Variants in SLCO1B3 observed in about 807,000 individuals in gnomAD.
The protein encoded by SLCO1B3 is solute carrier organic anion transporter family member 1B3, also known as liver-specific organic anion transporter 2.
Under a neutral mutation model 71.8 loss-of-function variants are expected in SLCO1B3, and 72 were observed. That is an observed-to-expected ratio of 1.00 (90% CI 0.83 to 1.22). The LOEUF (loss-of-function observed/expected upper bound fraction) is 1.22. SLCO1B3 is among the 50% of genes most tolerant of loss of function. SLCO1B3 has a pLI of 0.00. For synonymous variants in SLCO1B3, 298 were observed against 278.4 expected, an observed-to-expected ratio of 1.07 and a Z score of -0.70; for missense variants, 911 against 819.7, an observed-to-expected ratio of 1.11 and a Z score of -1.36.
intron 13 of SLCO1B3, among the ~76,000 whole-genome samples, chr12:20,897,379 G>A (rs1405664990): frequency 2.0e-5 from 3 of 152,178 alleles, no homozygotes; most frequent in Admixed American, 6.5e-5. Context: ...GCAAATATGT[G>A]TACATGAAAC....
intron 3 of SLCO1B3, among the ~76,000 whole-genome samples, chr12:20,841,995 A>G (rs1864814550): frequency 6.6e-6 from 1 of 151,404 alleles, no homozygotes; most frequent in South Asian, 2.1e-4. Flanking sequence ...AGTGAGGTTC[A>G]AGTGATTTTC....
intron 3 of SLCO1B3, among the ~76,000 whole-genome samples, chr12:20,828,644 CAT>C (rs1469959198): frequency 1.3e-5 from 2 of 149,898 alleles, no homozygotes; most frequent in African/African-American, 5.0e-5. Context: ...CACACACACA[CAT>C]ACACACACAC....
chr12:20,811,161 C>T (rs1864104498), intron 1 of SLCO1B3, among the ~76,000 whole-genome samples: 1 of 152,072 alleles, frequency 6.6e-6, no homozygotes, highest in Non-Finnish European at 1.5e-5. Context: ...TTTGATTTCA[C>T]TTTAACTGGA....
At chr12:20,868,721 T>C (rs10841681) in intron 8 of SLCO1B3, among the ~76,000 whole-genome samples, 109,580 of 151,502 alleles carry the variant, frequency 0.72, 42,214 homozygotes, top group South Asian at 0.9. Flanking sequence ...GCACAGAGAC[T>C]GGTAGTGGCC....
chr12:20,869,548 G>C (rs191690459), intron 8 of SLCO1B3, among the ~76,000 whole-genome samples: 2 of 152,002 alleles, frequency 1.3e-5, no homozygotes, highest in African/African-American at 4.8e-5. Context: ...TTGGTCTCTT[G>C]CCTCGGCACC....
Position 20,833,220 on chromosome 12 carries a change from CTTTGT to C in SLCO1B3, c.84+17402_84+17406del, listed in dbSNP as rs200017217. On this transcript the variant is annotated intron_variant, in intron 3 of 15. Transcript: ENST00000381545. Reference sequence around the variant, plus strand: ...TCACTAGGCCAGGTCAAGTCAATCTCTTTGTTTTAAGTCATCTGTTTAGCAACCTT... The same window carrying C: ...TCACTAGGCCAGGTCAAGTCAATCTCTTTAAGTCATCTGTTTAGCAACCTT... Among the ~76,000 whole-genome samples, 911 of 152,166 alleles carry C rather than the reference CTTTGT, an allele frequency of 6.0e-3. 9 individuals are homozygous for C. Among genetic ancestry groups the C allele is most frequent in the African/African-American group, 0.021 (867 of 41,518 alleles).
chr12:20,907,500 C>A (rs1173518510), intron 15 of SLCO1B3, among the ~76,000 whole-genome samples: 1 of 132,436 alleles, frequency 7.6e-6, no homozygotes, highest in Non-Finnish European at 1.6e-5. Flanking sequence ...CTCCTCCCTT[C>A]CCTTCCCTTC....
At chr12:20,863,712 T>A (rs1218483992) in intron 8 of SLCO1B3, among the ~76,000 whole-genome samples, 1 of 152,126 alleles carries the variant, frequency 6.6e-6, no homozygotes, top group African/African-American at 2.4e-5. Context: ...CAAACAACTT[T>A]CCAATTGATT....
chr12:20,848,043 TTAA>T (rs1370227815), intron 3 of SLCO1B3, among the ~76,000 whole-genome samples: 15 of 152,018 alleles, frequency 9.9e-5, no homozygotes, highest in African/African-American at 3.6e-4. Flanking sequence ...TCCCATAGGA[TTAA>T]TAACTAATTT....
At chr12:20,881,652 C>G (rs920670360) in intron 12 of SLCO1B3, among the ~76,000 whole-genome samples, 1 of 151,826 alleles carries the variant, frequency 6.6e-6, no homozygotes, top group African/African-American at 2.4e-5. Context: ...ATTGGAAATT[C>G]CATTTCTTTC....
At chr12:20,831,809 T>C (rs1373270693) in intron 3 of SLCO1B3, among the ~76,000 whole-genome samples, 1 of 152,156 alleles carries the variant, frequency 6.6e-6, no homozygotes, top group East Asian at 1.9e-4. Flanking sequence ...TTCAGCAACA[T>C]AAAAAGAGAT....
chr12:20,831,862 T>TA (rs1716668844), intron 3 of SLCO1B3, among the ~76,000 whole-genome samples: 1 of 152,198 alleles, frequency 6.6e-6, no homozygotes. Flanking sequence ...GTTGAGCACT[T>TA]ACTATATATG....
At chr12:20,845,130 C>CT (rs1309365085) in intron 3 of SLCO1B3, 2 of 447,628 alleles carry the variant, frequency 4.5e-6, no homozygotes, top group Non-Finnish European at 8.9e-6. Context: ...TCCAGCAAGA[C>CT]TTAGACTATG....
rs1164162582 is a variant in SLCO1B3, at chr12:20,916,898, T to A, written c.*651T>A. On this transcript the variant is annotated 3_prime_UTR_variant, in exon 16 of 16. Transcript: ENST00000381545. ...TGGATTAAGAAAAACCGACTTTAGC[T>A]TGAGAAAGCAAAACCCATTGATAAG... 1 of 152,134 alleles carries A rather than the reference T, an allele frequency of 6.6e-6. No homozygotes were observed. Among genetic ancestry groups the A allele is most frequent in the Non-Finnish European group, 1.5e-5 (1 of 68,022 alleles). The allele number at this position is 152,134 out of a possible 1,614,324, so 9.4% of individuals were successfully genotyped here. A position where few individuals can be genotyped will look rare whatever the true frequency, so the allele number is the denominator to read the frequency against.
At chr12:20,840,228 GC>G (rs891038241) in intron 3 of SLCO1B3, among the ~76,000 whole-genome samples, 9 of 152,044 alleles carry the variant, frequency 5.9e-5, no homozygotes, top group African/African-American at 2.2e-4. Context: ...CTCCTTGATA[GC>G]AAGGGAGGAT....
intron 3 of SLCO1B3, among the ~76,000 whole-genome samples, chr12:20,836,701 G>T (rs944487135): frequency 6.6e-6 from 1 of 152,036 alleles, no homozygotes; most frequent in African/African-American, 2.4e-5. Flanking sequence ...GAGTGCAGTG[G>T]TGCTGTCTCA....
At chr12:20,853,199 C>G (rs969120130) in intron 3 of SLCO1B3, among the ~76,000 whole-genome samples, 1 of 151,952 alleles carries the variant, frequency 6.6e-6, no homozygotes, top group Non-Finnish European at 1.5e-5. Flanking sequence ...TCAATATTCA[C>G]CAGGAATATT....
intron 15 of SLCO1B3, among the ~76,000 whole-genome samples, chr12:20,910,259 C>T (rs1161266871): frequency 6.6e-6 from 1 of 152,128 alleles, no homozygotes; most frequent in Non-Finnish European, 1.5e-5. Flanking sequence ...GATCCATTGA[C>T]TGTATTTAAG....
intron 15 of SLCO1B3, among the ~76,000 whole-genome samples, chr12:20,912,215 T>C (rs1416390258): frequency 6.6e-6 from 1 of 151,926 alleles, no homozygotes; most frequent in African/African-American, 2.4e-5. Context: ...CTTTCTGTTG[T>C]TGACTTCTAG....
Sources: allele counts gnomAD v4.1 joint callset (sites outside exome capture counted in the v4.1 genomes callset), GRCh38; gene constraint gnomAD v4.1.1; transcripts MANE v1.5; gene names NCBI Gene and HGNC (gene_info 2026-07-23, HGNC 2026-07-21).